GABRB1: variants seen among roughly 807,000 people sequenced by gnomAD.
GABRB1 encodes the protein gamma-aminobutyric acid receptor subunit beta-1.
Under a neutral mutation model 51.6 loss-of-function variants are expected in GABRB1, and 17 were observed. The observed-to-expected ratio is 0.33, with a 90% confidence interval of 0.23 to 0.49. The LOEUF (loss-of-function observed/expected upper bound fraction) is 0.49. GABRB1 is among the 20% of genes least tolerant of loss of function. The probability of loss-of-function intolerance (pLI) is 0.99; values close to 1 mark genes in which losing one functional copy is unlikely to be tolerated. For synonymous variants in GABRB1, 247 were observed against 218.9 expected (o/e 1.13, Z -1.14); for missense variants, 410 against 600.6 (o/e 0.68, Z 3.32).
intron 3 of GABRB1, among the ~76,000 whole-genome samples, chr4:47,046,461 T>C (rs187791728): frequency 1.3e-5 from 2 of 152,212 alleles, no homozygotes; most frequent in East Asian, 3.9e-4. Context: ...ATTTACTTTA[T>C]TTTTTAAGAA....
At chr4:47,382,750 A>T (rs1177033803) in intron 5 of GABRB1, among the ~76,000 whole-genome samples, 1 of 152,194 alleles carries the variant, frequency 6.6e-6, no homozygotes, top group Non-Finnish European at 1.5e-5. Flanking sequence ...GTTCCATCCC[A>T]GGCAGCTCTA....
intron 3 of GABRB1, among the ~76,000 whole-genome samples, chr4:47,138,028 G>A (rs1320143732): frequency 6.6e-6 from 1 of 152,072 alleles, no homozygotes; most frequent in Non-Finnish European, 1.5e-5. Flanking sequence ...AGTATTGAAA[G>A]CCTCCTGTAA....
chr4:47,400,546 C>CTCTCTCTCTCTCTCTCTCTCTCTT lies in GABRB1; in HGVS notation c.545-2764_545-2763insTCTCTCTCTCTCTCTTTCTCTCTC, dbSNP rs10684391. ...AGGTAGTCTCTCTCTCTCTCTCTCT[C>CTCTCTCTCTCTCTCTCTCTCTCTT]TCTCTCTCAGTGACCCAACCTGCCT... On this transcript the variant is annotated intron_variant, in intron 5 of 8. Coordinates refer to ENST00000295454, the MANE Select transcript of GABRB1 (RefSeq NM_000812.4). Among the ~76,000 whole-genome samples the CTCTCTCTCTCTCTCTCTCTCTCTT allele has an allele frequency of 2.0e-3, 295 of 150,846 alleles. 2 individuals carry two copies. The highest frequency in any genetic ancestry group is 6.9e-3 in the African/African-American group (282 of 40,874).
At chr4:47,059,376 T>C (rs541877908) in intron 3 of GABRB1, among the ~76,000 whole-genome samples, 1 of 152,280 alleles carries the variant, frequency 6.6e-6, no homozygotes, top group African/African-American at 2.4e-5. Flanking sequence ...CTTGTTACAT[T>C]GCCTAGGCTA....
chr4:47,221,722 G>T (rs1720775379), intron 4 of GABRB1, among the ~76,000 whole-genome samples: 1 of 151,990 alleles, frequency 6.6e-6, no homozygotes, highest in South Asian at 2.1e-4. Context: ...AATCTGCAGG[G>T]TGAATATCTC....
At chr4:47,170,538 C>T (rs1425676836) in intron 4 of GABRB1, among the ~76,000 whole-genome samples, 1 of 152,118 alleles carries the variant, frequency 6.6e-6, no homozygotes, top group Non-Finnish European at 1.5e-5. Context: ...CTTCTACAGA[C>T]TTTCCCTGTA....
At chr4:47,077,232 A>T (rs1005627927) in intron 3 of GABRB1, among the ~76,000 whole-genome samples, 4 of 152,212 alleles carry the variant, frequency 2.6e-5, no homozygotes, top group African/African-American at 9.6e-5. Context: ...GATCTGATTT[A>T]AGGAGCTGAG....
rs917869408 is a variant in GABRB1, at chr4:47,022,563, A to G, written c.-19-9351A>G. On this transcript the variant is annotated intron_variant, in intron 1 of 3. Coordinates refer to the GABRB1 transcript ENST00000513567. ...ACTAATTAATGCTGTTTAACATTCA[A>G]TCACGTCAGAGAAATGCAAATCAAA... Among the ~76,000 whole-genome samples, 13 of 152,182 alleles carry G rather than the reference A, an allele frequency of 8.5e-5. No individual in the cohort carries two copies. In the South Asian group the frequency reaches 1.2e-3, roughly 15 times the overall value.
chr4:47,246,313 C>T lies in GABRB1; in HGVS notation c.462-73814C>T, dbSNP rs1164912417. ...ATATATATATATACACACACACACA[C>T]ACACACACACACACACATATGTACA... On this transcript the variant is annotated intron_variant, in intron 4 of 8. Transcript: ENST00000295454. 1.4e-4 allele frequency among the ~76,000 whole-genome samples: 12 copies of T among 86,858 alleles called. 1 individual carries two copies. The highest frequency in any genetic ancestry group is 6.9e-4 in the East Asian group (2 of 2,898). 57.0% of individuals were successfully genotyped at this position (86,858 alleles called of 152,430 possible).
intron 4 of GABRB1, among the ~76,000 whole-genome samples, chr4:47,277,879 T>C (rs909906306): frequency 5.3e-5 from 8 of 152,102 alleles, no homozygotes; most frequent in Non-Finnish European, 7.4e-5. Flanking sequence ...AAAATTTTGT[T>C]AACTATATTT....
At chr4:47,323,308 A>G (rs559601582) in intron 5 of GABRB1, among the ~76,000 whole-genome samples, 20 of 152,314 alleles carry the variant, frequency 1.3e-4, no homozygotes, top group African/African-American at 3.6e-4. Context: ...CTTATTAACA[A>G]TAGATAAACC....
rs1219511488 is a variant in GABRB1 at position 47,231,216 on chromosome 4, T to C, written c.461+69747T>C. 3.9e-5 allele frequency among the ~76,000 whole-genome samples: 6 copies of C among 152,172 alleles called. No homozygotes were observed. In the South Asian group the frequency reaches 6.2e-4, roughly 16 times the overall value. ...TTTCATATTAAGACAATGTATGATG[T>C]TTAGTAAAATTGATTTTTCCATAAA... On this transcript the variant is annotated intron_variant, in intron 4 of 8. Coordinates refer to ENST00000295454, the MANE Select transcript of GABRB1 (RefSeq NM_000812.4).
chr4:47,358,241 T>C (rs1726659536), intron 5 of GABRB1, among the ~76,000 whole-genome samples: 1 of 152,108 alleles, frequency 6.6e-6, no homozygotes. Context: ...TAGGTAGTTA[T>C]ATTAGTTGTA....
At chr4:47,076,858 G>A (rs1378035416) in intron 3 of GABRB1, among the ~76,000 whole-genome samples, 3 of 152,000 alleles carry the variant, frequency 2.0e-5, no homozygotes, top group African/African-American at 7.3e-5. Flanking sequence ...CTTCCACGAG[G>A]GGCCCCATTT....
chr4:47,348,184 A>G (rs968070129), intron 5 of GABRB1, among the ~76,000 whole-genome samples: 14 of 152,292 alleles, frequency 9.2e-5, no homozygotes, highest in Admixed American at 9.2e-4. Context: ...TCATCAACTG[A>G]TGCAGGTATT....
chr4:47,313,735 C>T (rs1446487283), intron 4 of GABRB1, among the ~76,000 whole-genome samples: 2 of 152,090 alleles, frequency 1.3e-5, no homozygotes, highest in Non-Finnish European at 1.5e-5. Flanking sequence ...CTGTATTACA[C>T]AGATTTCTAT....
intron 5 of GABRB1, among the ~76,000 whole-genome samples, chr4:47,337,945 G>A (rs1725760319): frequency 6.6e-6 from 1 of 151,878 alleles, no homozygotes; most frequent in South Asian, 2.1e-4. Context: ...AAAGTACAGG[G>A]CAATCAGCTA....
chr4:47,038,631 G>A (rs745928909), intron 3 of GABRB1, among the ~76,000 whole-genome samples: 9 of 152,052 alleles, frequency 5.9e-5, no homozygotes, highest in Non-Finnish European at 1.2e-4. Flanking sequence ...ATAAAACCAG[G>A]GTGTTTGTCT....
chr4:47,132,092 G>A (rs1716440554), intron 3 of GABRB1, among the ~76,000 whole-genome samples: 1 of 151,964 alleles, frequency 6.6e-6, no homozygotes, highest in Admixed American at 6.5e-5. Context: ...TTAAATGCAG[G>A]GGTATTGAAG....
Sources: allele counts gnomAD v4.1 joint callset (sites outside exome capture counted in the v4.1 genomes callset), GRCh38; gene constraint gnomAD v4.1.1; transcripts MANE v1.5; gene names NCBI Gene and HGNC (gene_info 2026-07-23, HGNC 2026-07-21).